PTPRJ: variants seen among roughly 807,000 people sequenced by gnomAD.
The protein encoded by PTPRJ is receptor-type tyrosine-protein phosphatase eta.
A neutral mutation model predicts 141.3 loss-of-function variants in PTPRJ; 129 were observed. The ratio of observed to expected loss-of-function variants is 0.91; its 90% CI spans 0.79 to 1.06. The LOEUF (loss-of-function observed/expected upper bound fraction) is 1.06, where lower values mean the gene tolerates loss of function less well. Ranked by LOEUF, PTPRJ falls within the 50% of genes least tolerant of loss-of-function variation. The probability of loss-of-function intolerance (pLI) is 0.00; values close to 1 mark genes in which losing one functional copy is unlikely to be tolerated. For missense variants in PTPRJ, 1,601 were observed against 1,679.7 expected (o/e 0.95, Z 0.82); for synonymous variants, 610 against 640.5 (o/e 0.95, Z 0.72).
intron 1 of PTPRJ, among the ~76,000 whole-genome samples, chr11:48,001,902 A>G (rs1228634990): frequency 6.6e-6 from 1 of 152,078 alleles, no homozygotes; most frequent in African/African-American, 2.4e-5. Flanking sequence ...CCACTTTGAC[A>G]TTTACTCTCC....
intron 21 of PTPRJ, among the ~76,000 whole-genome samples, chr11:48,156,731 C>T (rs1281263631): frequency 3.9e-5 from 6 of 151,960 alleles, no homozygotes; most frequent in East Asian, 1.9e-4. Flanking sequence ...GGACTACAGG[C>T]GTGCACCACA....
chr11:48,008,300 G>A (rs1440036484), intron 1 of PTPRJ, among the ~76,000 whole-genome samples: 2 of 152,176 alleles, frequency 1.3e-5, no homozygotes, highest in African/African-American at 4.8e-5. Context: ...TCGCTCTGTG[G>A]CCCAGGCTGG....
chr11:48,030,632 A>G (rs1853954317), intron 1 of PTPRJ, among the ~76,000 whole-genome samples: 1 of 152,208 alleles, frequency 6.6e-6, no homozygotes, highest in African/African-American at 2.4e-5. Flanking sequence ...AATCCCAGCT[A>G]CTAGGGGAGC....
rs751037961 is a variant in PTPRJ at position 48,048,592 on chromosome 11, G to A, written c.97-61466G>A. The stretch of plus-strand genomic sequence containing the variant: ...GCAGATCACTTGAGCCCAGGAGTTC[G>A]ACACCAGCCTGGCCAACACGGCGAA... On this transcript the variant is annotated intron_variant, in intron 1 of 24. Coordinates refer to ENST00000418331, the MANE Select transcript of PTPRJ (RefSeq NM_002843.4). 2.6e-5 allele frequency among the ~76,000 whole-genome samples: 4 copies of A among 152,210 alleles called. No homozygotes were observed. The East Asian group carries it at 7.7e-4, about 29-fold the overall frequency.
At chr11:48,144,608 A>T in intron 12 of PTPRJ, 67 bp from the exon 13 acceptor site, 1 of 1,251,920 alleles carries the variant, frequency 8.0e-7, no homozygotes, top group Non-Finnish European at 1.2e-6. Flanking sequence ...CACCATGTAG[A>T]TATGCAGGAG....
rs1256536580 is a variant in PTPRJ, at chr11:48,110,060, C to A, written c.99C>A (p.Ile33=). ...TCCGTTTTCTTTTTCTGTTTCAGAT[C>A]CTGTGCGCAGGTGGCAGTGAGTACC... ...LLLLLLRLGQ[I]LCAGGTPSPI... Residue 33 remains isoleucine, a splice_region_variant and synonymous_variant, in exon 2 of 25, where the codon ATC becomes ATA. Coordinates refer to ENST00000418331, the MANE Select transcript of PTPRJ (RefSeq NM_002843.4). 4 of 1,613,870 alleles carry A rather than the reference C, an allele frequency of 2.5e-6. No homozygotes were observed. Among genetic ancestry groups the A allele is most frequent in the Non-Finnish European group, 3.4e-6 (4 of 1,179,894 alleles).
At chr11:48,038,866 T>C (rs1245114110) in intron 1 of PTPRJ, among the ~76,000 whole-genome samples, 1 of 146,864 alleles carries the variant, frequency 6.8e-6, no homozygotes, top group Non-Finnish European at 1.5e-5. Flanking sequence ...AAAAAAAGAC[T>C]GACCAGGTGT....
intron 8 of PTPRJ, among the ~76,000 whole-genome samples, chr11:48,134,259 TC>T (rs1415601896): frequency 6.6e-6 from 1 of 152,268 alleles, no homozygotes; most frequent in African/African-American, 2.4e-5. Flanking sequence ...TATTTGAATT[TC>T]TTTTTACTCA....
chr11:48,111,932 C>T (rs1320922570), intron 2 of PTPRJ, among the ~76,000 whole-genome samples: 2 of 151,924 alleles, frequency 1.3e-5, no homozygotes, highest in African/African-American at 4.8e-5. Flanking sequence ...GCAGAACTGA[C>T]CCCCTAGAGA....
rs1036115547 is a variant in PTPRJ, at chr11:48,086,044, G to A, written c.97-24014G>A. ...TGTTTAATTCTTGGAACCTCCACTT[G>A]TTAGCTCTGTTCACTCCTCTGAAAG... On this transcript the variant is annotated intron_variant, in intron 1 of 24. Coordinates refer to ENST00000418331, the MANE Select transcript of PTPRJ (RefSeq NM_002843.4). Among the ~76,000 whole-genome samples the A allele has an allele frequency of 3.9e-5, 6 of 152,180 alleles. No homozygotes were observed. The East Asian group carries it at 1.2e-3, about 29-fold the overall frequency.
chr11:48,045,527 C>T (rs1854371074), intron 1 of PTPRJ, among the ~76,000 whole-genome samples: 1 of 152,222 alleles, frequency 6.6e-6, no homozygotes, highest in Admixed American at 6.5e-5. Context: ...TTGCTCCCGA[C>T]TTTTGCAGAT....
chr11:48,138,325 T>TGTTA (rs1439802699), intron 10 of PTPRJ, among the ~76,000 whole-genome samples: 8 of 152,224 alleles, frequency 5.3e-5, no homozygotes, highest in African/African-American at 1.9e-4. Flanking sequence ...ATCTTAGCTA[T>TGTTA]AGTTATTTGT....
chr11:48,051,084 CTTTTTTTTTTTTTTTT>C (rs59987198), intron 1 of PTPRJ, among the ~76,000 whole-genome samples: 3 of 79,310 alleles, frequency 3.8e-5, no homozygotes, highest in Non-Finnish European at 6.9e-5. Context: ...TAACTGATGA[CTTTTTTTTTTTTTTTT>C]TTTTTTTTTT....
intron 1 of PTPRJ, among the ~76,000 whole-genome samples, chr11:48,000,982 ATTTTTTTT>A (rs1002159076): frequency 9.8e-5 from 12 of 122,868 alleles, no homozygotes; most frequent in Admixed American, 5.1e-4. Context: ...GTCCCATATA[ATTTTTTTT>A]TTTTTTTTTT....
At position 48,167,313 on chromosome 11, in the gene PTPRJ, A is replaced by G. The variant is rs1056791809; in HGVS notation, c.3965A>G (p.Asn1322Ser). The G allele has an allele frequency of 6.2e-7, 1 of 1,614,042 alleles. No individual in the cohort carries two copies. The highest frequency in any genetic ancestry group is 1.1e-5 in the South Asian group (1 of 91,062). Residue 1322 changes from asparagine to serine, a missense_variant, in exon 25 of 25, where the codon AAC (asparagine) becomes AGC (serine). Coordinates refer to ENST00000418331, the MANE Select transcript of PTPRJ (RefSeq NM_002843.4). ...ACAACTGCAATGACAATCTATGAAA[A>G]CCTTGCGCCCGTGACCACATTTGGA... is the stretch of plus-strand genomic sequence containing the variant. ...QNTTAMTIYENLAPVTTFGKT... is the reference protein window; with the variant it reads ...QNTTAMTIYESLAPVTTFGKT...
At chr11:48,008,692 G>A (rs1397166236) in intron 1 of PTPRJ, among the ~76,000 whole-genome samples, 4 of 151,928 alleles carry the variant, frequency 2.6e-5, no homozygotes, top group Non-Finnish European at 4.4e-5. Flanking sequence ...AGTCTCCCAA[G>A]TAGCTGAGAT....
chr11:48,090,463 G>A (rs1855839656), intron 1 of PTPRJ, among the ~76,000 whole-genome samples: 2 of 152,202 alleles, frequency 1.3e-5, no homozygotes, highest in South Asian at 4.1e-4. Flanking sequence ...AGGCTTCGAT[G>A]TCATCTTCTG....
Position 48,155,880 on chromosome 11 carries a change from T to G in PTPRJ, c.3303+6T>G. 1.2e-6 allele frequency: 2 copies of G among 1,601,278 alleles called. No homozygotes were observed. The highest frequency in any genetic ancestry group is 2.2e-5 in the South Asian group (2 of 90,632). On this transcript the variant is annotated splice_donor_region_variant and intron_variant, in intron 20 of 24. Transcript: ENST00000418331. ...TCAATGCCAACTACATGCCTGTAAG[T>G]TGGGGGACGGTCTCACAGCACTGGA...
intron 18 of PTPRJ, among the ~76,000 whole-genome samples, chr11:48,152,976 A>G (rs968841099): frequency 6.6e-6 from 1 of 152,130 alleles, no homozygotes; most frequent in Non-Finnish European, 1.5e-5. Flanking sequence ...AATCCAACAT[A>G]TCTTTTTGGG....
Sources: allele counts gnomAD v4.1 joint callset (sites outside exome capture counted in the v4.1 genomes callset), GRCh38; gene constraint gnomAD v4.1.1; transcripts MANE v1.5; gene names NCBI Gene and HGNC (gene_info 2026-07-23, HGNC 2026-07-21).